The following SH3D19 variants were observed in gnomAD, a reference collection of about 807,000 sequenced individuals.
The protein encoded by SH3D19 is SH3 domain containing 19.
A neutral mutation model predicts 112.1 loss-of-function variants in SH3D19; 58 were observed. The ratio of observed to expected loss-of-function variants is 0.52; its 90% confidence interval spans 0.42 to 0.64. The LOEUF (loss-of-function observed/expected upper bound fraction) is 0.64, where lower values mean the gene tolerates loss of function less well. Ranked by LOEUF, SH3D19 falls within the 30% of genes least tolerant of loss-of-function variation. The pLI is 0.00. For missense variants in SH3D19, 1,090 were observed against 1,263.4 expected, an observed-to-expected ratio of 0.86 and a Z score of 2.08; for synonymous variants, 391 against 448.5, an observed-to-expected ratio of 0.87 and a Z score of 1.62.
chr4:151,211,967 ACT>A (rs1312116909), intron 2 of SH3D19, among the ~76,000 whole-genome samples: 1 of 152,220 alleles, frequency 6.6e-6, no homozygotes, highest in Non-Finnish European at 1.5e-5. Context: ...AGGTGGCTAC[ACT>A]AAACAGCAGA....
At chr4:151,219,164 G>T (rs1767627296) in intron 2 of SH3D19, among the ~76,000 whole-genome samples, 1 of 152,128 alleles carries the variant, frequency 6.6e-6, no homozygotes, top group Admixed American at 6.6e-5. Context: ...AGTCAGTTTA[G>T]CAAGAATCCT....
intron 1 of SH3D19, among the ~76,000 whole-genome samples, chr4:151,235,780 T>G (rs776344143): frequency 6.6e-6 from 1 of 152,188 alleles, no homozygotes; most frequent in South Asian, 2.1e-4. Flanking sequence ...AGCAAGACTC[T>G]GTCTCAAAAA....
intron 1 of SH3D19, among the ~76,000 whole-genome samples, chr4:151,235,734 T>A (rs780005178): frequency 9.9e-5 from 15 of 152,098 alleles, no homozygotes; most frequent in Non-Finnish European, 2.1e-4. Flanking sequence ...TGCAGTGAGC[T>A]GAGATTGCGC....
chr4:151,267,901 C>G (rs1772933099), intron 1 of SH3D19, among the ~76,000 whole-genome samples: 1 of 152,058 alleles, frequency 6.6e-6, no homozygotes, highest in East Asian at 1.9e-4. Context: ...TCCAGGGAAA[C>G]CTGTAGACTG....
At chr4:151,250,295 A>G (rs1450711437) in intron 1 of SH3D19, among the ~76,000 whole-genome samples, 1 of 152,230 alleles carries the variant, frequency 6.6e-6, no homozygotes, top group Admixed American at 6.5e-5. Context: ...AATGTTATGC[A>G]GCTATTTTAA....
At chr4:151,236,275 G>A (rs576933142) in intron 1 of SH3D19, among the ~76,000 whole-genome samples, 11 of 152,398 alleles carry the variant, frequency 7.2e-5, no homozygotes, top group South Asian at 4.1e-4. Flanking sequence ...CGGGGCTTGC[G>A]GGCTGGCGGG....
intron 1 of SH3D19, among the ~76,000 whole-genome samples, chr4:151,272,796 G>A (rs1379426320): frequency 6.8e-6 from 1 of 147,270 alleles, no homozygotes; most frequent in East Asian, 2.0e-4. Flanking sequence ...ACTTCATAGG[G>A]GGTAACATCA....
chr4:151,194,413 T>C (rs927230353), intron 2 of SH3D19, among the ~76,000 whole-genome samples: 8 of 152,006 alleles, frequency 5.3e-5, no homozygotes, highest in Non-Finnish European at 1.5e-5. Context: ...GTCTATTAAA[T>C]GCCAGGAAAA....
intron 19 of SH3D19, among the ~76,000 whole-genome samples, chr4:151,126,523 C>T (rs1205003314): frequency 8.6e-5 from 13 of 151,892 alleles, no homozygotes; most frequent in Admixed American, 3.9e-4. Flanking sequence ...TGGCCGGGCG[C>T]GGTGGCTCAC....
intron 1 of SH3D19, among the ~76,000 whole-genome samples, chr4:151,257,871 T>G (rs1327482638): frequency 6.6e-6 from 1 of 152,138 alleles, no homozygotes; most frequent in South Asian, 2.1e-4. Context: ...ATCATGCCAC[T>G]GTACTTCTAG....
At chr4:151,285,786 G>C (rs1774692343) in intron 1 of SH3D19, among the ~76,000 whole-genome samples, 1 of 151,968 alleles carries the variant, frequency 6.6e-6, no homozygotes, top group Admixed American at 6.6e-5. Context: ...AGGATCCCTT[G>C]AGCCCAGAAG....
chr4:151,286,199 A>AAC (rs1554067173), intron 1 of SH3D19, among the ~76,000 whole-genome samples: 2 of 149,130 alleles, frequency 1.3e-5, no homozygotes, highest in African/African-American at 5.0e-5. Flanking sequence ...AAAAAAAAAA[A>AAC]AAAAACAACT....
intron 1 of SH3D19, among the ~76,000 whole-genome samples, chr4:151,298,328 C>T (rs928226051): frequency 6.6e-6 from 1 of 151,926 alleles, no homozygotes; most frequent in South Asian, 2.1e-4. Context: ...CAGGCACCCG[C>T]CGCCATGCCC....
At chr4:151,194,785 A>C (rs1242058235) in intron 2 of SH3D19, among the ~76,000 whole-genome samples, 3 of 151,860 alleles carry the variant, frequency 2.0e-5, no homozygotes, top group African/African-American at 7.2e-5. Context: ...CTAACTGTTA[A>C]GAGTTAACCT....
chr4:151,229,391 GCCC>G lies in SH3D19; in HGVS notation c.113-3308_113-3306del, dbSNP rs1487444958. ...GATGATATACTTATTCCAGGGGCCT[GCCC>G]AGCAGAGCATGATGGTTTAGGTCAC... is the stretch of plus-strand genomic sequence containing the variant. On this transcript the variant is annotated intron_variant, in intron 1 of 19. Transcript: ENST00000604030. 5.9e-4 allele frequency among the ~76,000 whole-genome samples: 90 copies of G among 152,246 alleles called. 1 individual carries two copies. Among genetic ancestry groups the G allele is most frequent in the Non-Finnish European group, 1.5e-4 (10 of 68,008 alleles).
chr4:151,124,001 T>C (rs779537096), intron 19 of SH3D19, among the ~76,000 whole-genome samples: 1 of 152,208 alleles, frequency 6.6e-6, no homozygotes, highest in Admixed American at 6.5e-5. Flanking sequence ...GTTTTTGTTA[T>C]AAATAAGTTC....
At chr4:151,242,251 T>C (rs1453131998) in intron 1 of SH3D19, among the ~76,000 whole-genome samples, 1 of 152,242 alleles carries the variant, frequency 6.6e-6, no homozygotes, top group Non-Finnish European at 1.5e-5. Context: ...TGGTTCTTTA[T>C]GAAAATGACT....
intron 1 of SH3D19, among the ~76,000 whole-genome samples, chr4:151,318,221 A>G (rs1487885644): frequency 6.7e-6 from 1 of 150,314 alleles, no homozygotes; most frequent in African/African-American, 2.5e-5. Context: ...GAATTGCTTG[A>G]ACCTGGGAGG....
chr4:151,137,978 G>T, intron 13 of SH3D19, 116 bp from the exon 14 acceptor site: 1 of 770,596 alleles, frequency 1.3e-6, no homozygotes, highest in Non-Finnish European at 1.9e-6. Context: ...CTGATTCTGA[G>T]AACAGATTAT....
Sources: allele counts gnomAD v4.1 joint callset (sites outside exome capture counted in the v4.1 genomes callset), GRCh38; gene constraint gnomAD v4.1.1; transcripts MANE v1.5; gene names NCBI Gene and HGNC (gene_info 2026-07-23, HGNC 2026-07-21).